CAPN14: variants seen among roughly 807,000 people sequenced by gnomAD.
CAPN14 encodes the protein calpain 14, also known as calpain-14.
A neutral mutation model predicts 101.3 loss-of-function variants in CAPN14; 94 were observed. That is an observed-to-expected ratio of 0.93 (90% CI 0.79 to 1.10). The LOEUF is 1.10. Among genes scored for constraint, CAPN14 ranks in the 50% least tolerant of loss-of-function variants. The pLI, the probability that CAPN14 is intolerant of heterozygous loss-of-function variation, is 0.00. For missense variants in CAPN14, 837 were observed against 828.4 expected (o/e 1.01, Z -0.13); for synonymous variants, 338 against 317.9 (o/e 1.06, Z -0.67).
At chr2:31,217,277 A>G (rs1018833859) in intron 1 of CAPN14, among the ~76,000 whole-genome samples, 179 bp downstream of exon 1, 1 of 152,170 alleles carries the variant, frequency 6.6e-6, no homozygotes, top group African/African-American at 2.4e-5. Context: ...AAGTGATGGC[A>G]AAACTGAGGA....
At chr2:31,192,850 G>A (rs754555291) in intron 10 of CAPN14, among the ~76,000 whole-genome samples, 6 of 152,158 alleles carry the variant, frequency 3.9e-5, no homozygotes, top group Non-Finnish European at 8.8e-5. Context: ...CTGTGTGCCT[G>A]TGACCCCCGG....
chr2:31,213,542 T>C (rs1255730542), intron 1 of CAPN14, among the ~76,000 whole-genome samples: 1 of 152,220 alleles, frequency 6.6e-6, no homozygotes, highest in African/African-American at 2.4e-5. Flanking sequence ...ACCAGGTAGA[T>C]TGCTGTTGCA....
chr2:31,227,644 TG>T (rs1683064604), intron 1 of CAPN14, among the ~76,000 whole-genome samples: 1 of 152,208 alleles, frequency 6.6e-6, no homozygotes, highest in South Asian at 2.1e-4. Flanking sequence ...CTGCCTTTGG[TG>T]TTTCTCTTAC....
intron 16 of CAPN14, among the ~76,000 whole-genome samples, chr2:31,185,121 C>T (rs1680839427): frequency 6.6e-6 from 1 of 152,106 alleles, no homozygotes; most frequent in African/African-American, 2.4e-5. Context: ...AGCTTTGTGC[C>T]ATCTGCAGCT....
upstream of CAPN14, among the ~76,000 whole-genome samples, chr2:31,219,554 G>A (rs1682798205): frequency 6.6e-6 from 1 of 152,160 alleles, no homozygotes; most frequent in South Asian, 2.1e-4. Flanking sequence ...TTTTAGGAGT[G>A]GTGAAGCCTT....
upstream of CAPN14, among the ~76,000 whole-genome samples, chr2:31,219,505 G>A (rs1247919452): frequency 1.2e-4 from 18 of 152,304 alleles, no homozygotes; most frequent in Admixed American, 9.8e-4. Context: ...GCAAGTTTGT[G>A]ATTTATGACC....
intron 18 of CAPN14, 26 bp from the exon 19 acceptor site, chr2:31,177,847 A>C: frequency 6.5e-7 from 1 of 1,532,232 alleles, no homozygotes. Context: ...TAAGAGGTTC[A>C]GGAAGCCAGG....
chr2:31,220,832 T>A (rs560142397), upstream of CAPN14, among the ~76,000 whole-genome samples: 20 of 152,300 alleles, frequency 1.3e-4, no homozygotes, highest in African/African-American at 4.8e-4. Flanking sequence ...TTTTTCCACC[T>A]GATTTTTGTT....
chr2:31,200,665 C>G, intron 5 of CAPN14, 40 bp from the exon 6 acceptor site: 2 of 1,496,576 alleles, frequency 1.3e-6, no homozygotes, highest in Non-Finnish European at 1.8e-6. Context: ...AAAAAAGTAT[C>G]ATGAGTATTT....
chr2:31,205,380 G>A lies in CAPN14; in HGVS notation c.68C>T (p.Pro23Leu). 6.4e-7 allele frequency: 1 copy of A among 1,551,554 alleles called. No individual in the cohort carries two copies. Among genetic ancestry groups the A allele is most frequent in the African/African-American group, 1.4e-5 (1 of 73,118 alleles). Reference sequence around the variant, plus strand: ...CTCAAAGTCCTGTTGGGGTTGCTGTGGAGACGCCCTCCTAGAGTACCTTGG... The same window carrying A: ...CTCAAAGTCCTGTTGGGGTTGCTGTAGAGACGCCCTCCTAGAGTACCTTGG... Reference protein sequence around the residue: ...LAPRYSRRASPQQPQQDFEAL... With the variant: ...LAPRYSRRASLQQPQQDFEAL... The change falls in exon 2 of 22, where the codon CCA (proline) becomes CTA (leucine). Residue 23 changes from proline to leucine, a missense_variant. By Grantham distance (98) the Pro-to-Leu change is moderately conservative (BLOSUM62 -3). Transcript: ENST00000403897.
At chr2:31,202,606 T>C (rs1374420817) in intron 3 of CAPN14, among the ~76,000 whole-genome samples, 4 of 152,254 alleles carry the variant, frequency 2.6e-5, no homozygotes, top group Admixed American at 6.5e-5. Context: ...CCTCAATCCT[T>C]CAGGACTCCA....
intron 15 of CAPN14, among the ~76,000 whole-genome samples, 196 bp downstream of exon 15, chr2:31,187,562 C>G (rs56373046): frequency 5.3e-5 from 8 of 152,038 alleles, no homozygotes; most frequent in Admixed American, 2.0e-4. Flanking sequence ...TTTACAGGAG[C>G]CTTCTAGACA....
intron 15 of CAPN14, among the ~76,000 whole-genome samples, chr2:31,186,965 C>T (rs1338230579): frequency 5.3e-5 from 8 of 152,168 alleles, no homozygotes; most frequent in Non-Finnish European, 8.8e-5. Context: ...TTGGAAACCA[C>T]AGGTATGGAG....
At chr2:31,202,325 A>G in intron 3 of CAPN14, 73 bp from the exon 4 acceptor site, 3 of 1,125,424 alleles carry the variant, frequency 2.7e-6, no homozygotes, top group Middle Eastern at 2.3e-4. Context: ...GCCCGGTCCC[A>G]ATGGCCACCC....
At chr2:31,177,186 AC>A in intron 19 of CAPN14, 44 bp from the exon 20 acceptor site, 1 of 1,343,938 alleles carries the variant, frequency 7.4e-7, no homozygotes, top group Non-Finnish European at 1.0e-6. Context: ...GGGGGCTTGC[AC>A]CCAGCTCCCC....
chr2:31,176,784 G>C lies in CAPN14; in HGVS notation c.1973-142C>G, dbSNP rs570717455. ...AGTGTCAGCCTACATGTGACCACACGCAGCCACATCTATGATAAGTGAGCC... is the reference window on the plus strand; with the variant it reads ...AGTGTCAGCCTACATGTGACCACACCCAGCCACATCTATGATAAGTGAGCC... On this transcript the variant is annotated intron_variant, in intron 20 of 21. Coordinates refer to ENST00000403897, the MANE Select transcript of CAPN14 (RefSeq NM_001145122.2). 40 of 776,720 alleles carry C rather than the reference G, an allele frequency of 5.1e-5. No homozygotes were observed. In the Admixed American group the frequency reaches 8.3e-4, roughly 16 times the overall value. The allele number at this position is 776,720 out of a possible 1,614,324, so 48.1% of individuals were successfully genotyped here.
At chr2:31,191,749 G>C (rs1356204799) in intron 11 of CAPN14, among the ~76,000 whole-genome samples, 186 bp downstream of exon 11, 1 of 152,194 alleles carries the variant, frequency 6.6e-6, no homozygotes, top group Admixed American at 6.5e-5. Flanking sequence ...TGTAGAAACT[G>C]ATGGCCTAGT....
intron 8 of CAPN14, among the ~76,000 whole-genome samples, chr2:31,195,833 A>G (rs1207568846): frequency 6.6e-6 from 1 of 152,236 alleles, no homozygotes; most frequent in African/African-American, 2.4e-5. Flanking sequence ...TCTTTAAAGA[A>G]ATACAATAAA....
At chr2:31,203,716 T>C (rs570472706) in intron 2 of CAPN14, among the ~76,000 whole-genome samples, 1 of 152,214 alleles carries the variant, frequency 6.6e-6, no homozygotes, top group South Asian at 2.1e-4. Context: ...TTGGCTGCCA[T>C]GTAGTTTAGG....
Sources: allele counts gnomAD v4.1 joint callset (sites outside exome capture counted in the v4.1 genomes callset), GRCh38; gene constraint gnomAD v4.1.1; transcripts MANE v1.5; gene names NCBI Gene and HGNC (gene_info 2026-07-23, HGNC 2026-07-21).